LRBA: variants seen among roughly 807,000 people sequenced by gnomAD.
LRBA encodes LPS responsive beige-like anchor protein, also known as lipopolysaccharide-responsive and beige-like anchor protein.
A neutral mutation model predicts 330.0 loss-of-function variants in LRBA; 176 were observed. That is an observed-to-expected ratio of 0.53 (90% confidence interval 0.47 to 0.60). The LOEUF (loss-of-function observed/expected upper bound fraction) is 0.60. LRBA is among the 20% of genes least tolerant of loss of function. LRBA has a pLI of 0.00. For missense variants in LRBA, 3,259 were observed against 3,444.8 expected, an observed-to-expected ratio of 0.95 and a Z score of 1.35; for synonymous variants, 1,230 against 1,193.0, an observed-to-expected ratio of 1.03 and a Z score of -0.64.
At chr4:150,718,574 A>G (rs1283894422) in intron 36 of LRBA, among the ~76,000 whole-genome samples, 1 of 152,182 alleles carries the variant, frequency 6.6e-6, no homozygotes, top group Non-Finnish European at 1.5e-5. Flanking sequence ...ACTAGCAGAC[A>G]TAAGAAAAAA....
At chr4:150,779,728 G>A (rs1737903954) in intron 34 of LRBA, among the ~76,000 whole-genome samples, 1 of 152,000 alleles carries the variant, frequency 6.6e-6, no homozygotes, top group African/African-American at 2.4e-5. Flanking sequence ...AAATTCATTA[G>A]CTTGCCTCAA....
At chr4:150,621,368 G>T (rs1277764699) in intron 37 of LRBA, among the ~76,000 whole-genome samples, 2 of 151,968 alleles carry the variant, frequency 1.3e-5, no homozygotes, top group Non-Finnish European at 2.9e-5. Flanking sequence ...TTTGTATATT[G>T]TAAGTTGTGC....
At chr4:150,687,523 A>C (rs1284201270) in intron 36 of LRBA, among the ~76,000 whole-genome samples, 1 of 152,138 alleles carries the variant, frequency 6.6e-6, no homozygotes, top group Non-Finnish European at 1.5e-5. Context: ...ATGGCCACAA[A>C]ATATTTGACT....
At chr4:150,281,603 C>G (rs1747544287) in intron 55 of LRBA, among the ~76,000 whole-genome samples, 1 of 152,166 alleles carries the variant, frequency 6.6e-6, no homozygotes, top group South Asian at 2.1e-4. Context: ...AGCCCAACGC[C>G]AGGGTAGAAG....
intron 2 of LRBA, among the ~76,000 whole-genome samples, chr4:150,965,531 C>T (rs1340009500): frequency 6.6e-6 from 1 of 152,052 alleles, no homozygotes; most frequent in Non-Finnish European, 1.5e-5. Context: ...ATCAATCATT[C>T]ATCCATCTAC....
rs115896267 is a variant in LRBA, at chr4:150,990,968, C to T, written c.216+23459G>A. Among the ~76,000 whole-genome samples the T allele has an allele frequency of 4.5e-3, 678 of 150,886 alleles. 8 individuals are homozygous for T. The highest frequency in any genetic ancestry group is 0.016 in the African/African-American group (645 of 41,068). ...CCAGGGAAGCGCTGAACCAGGGAGG[C>T]GCTGAACCTCGGACAGGGAGGTTGC... On this transcript the variant is annotated intron_variant, in intron 2 of 56. Coordinates refer to ENST00000651943, the MANE Select transcript of LRBA (RefSeq NM_001364905.1).
intron 48 of LRBA, among the ~76,000 whole-genome samples, chr4:150,330,502 C>A (rs1733844508): frequency 6.6e-6 from 1 of 152,128 alleles, no homozygotes; most frequent in Non-Finnish European, 1.5e-5. Flanking sequence ...TTCCATGGAC[C>A]TGCTTGGAGG....
intron 55 of LRBA, 96 bp from the exon 56 acceptor site, chr4:150,278,100 G>A (rs1260368854): frequency 2.0e-6 from 2 of 1,013,540 alleles, no homozygotes; most frequent in Admixed American, 2.3e-5. Context: ...CTACTACGGT[G>A]CAGAGAGAAG....
chr4:150,399,879 G>A (rs1401458759), intron 47 of LRBA, among the ~76,000 whole-genome samples: 1 of 152,184 alleles, frequency 6.6e-6, no homozygotes, highest in Non-Finnish European at 1.5e-5. Flanking sequence ...GGGAGGCTGA[G>A]GCATGAGAAT....
At chr4:150,636,352 A>G (rs976650904) in intron 37 of LRBA, among the ~76,000 whole-genome samples, 1 of 152,054 alleles carries the variant, frequency 6.6e-6, no homozygotes, top group East Asian at 1.9e-4. Flanking sequence ...ATTAGATAAT[A>G]TTATCTATTT....
At chr4:150,949,554 AT>A (rs1478086139) in intron 2 of LRBA, among the ~76,000 whole-genome samples, 1 of 152,086 alleles carries the variant, frequency 6.6e-6, no homozygotes, top group Non-Finnish European at 1.5e-5. Flanking sequence ...AGTACAAAGG[AT>A]TTCTCTGCAT....
At chr4:150,669,005 A>C (rs1781815746) in intron 37 of LRBA, among the ~76,000 whole-genome samples, 1 of 152,176 alleles carries the variant, frequency 6.6e-6, no homozygotes, top group South Asian at 2.1e-4. Flanking sequence ...CCAGTGGTAC[A>C]TATAGAGATA....
chr4:150,969,852 C>T (rs1739323028), intron 2 of LRBA, among the ~76,000 whole-genome samples: 1 of 152,188 alleles, frequency 6.6e-6, no homozygotes, highest in Non-Finnish European at 1.5e-5. Flanking sequence ...TAGAATCTTA[C>T]ATAAATTTAG....
chr4:150,942,295 T>C (rs2149528714), intron 2 of LRBA, among the ~76,000 whole-genome samples: 1 of 152,326 alleles, frequency 6.6e-6, no homozygotes, highest in Non-Finnish European at 1.5e-5. Flanking sequence ...TATGTCCATG[T>C]CCCAGGAATC....
At chr4:150,787,558 T>A (rs1469555781) in intron 34 of LRBA, among the ~76,000 whole-genome samples, 1 of 152,154 alleles carries the variant, frequency 6.6e-6, no homozygotes, top group Non-Finnish European at 1.5e-5. Flanking sequence ...GGAGTATATA[T>A]TTATGGGGTA....
chr4:150,579,978 G>T, intron 40 of LRBA: 1 of 321,438 alleles, frequency 3.1e-6, no homozygotes, highest in South Asian at 2.4e-5. Flanking sequence ...GCCCCTCCCG[G>T]CCAGTCGCGC....
chr4:150,541,294 G>A (rs1025925540), intron 40 of LRBA, among the ~76,000 whole-genome samples: 2 of 152,168 alleles, frequency 1.3e-5, no homozygotes, highest in African/African-American at 4.8e-5. Flanking sequence ...CTCCAACCCA[G>A]CTTCTACTTA....
At chr4:151,006,282 C>T (rs997816067) in intron 2 of LRBA, among the ~76,000 whole-genome samples, 3 of 152,050 alleles carry the variant, frequency 2.0e-5, no homozygotes, top group South Asian at 4.1e-4. Context: ...GCTGAGATCA[C>T]GCCACTACAC....
chr4:150,962,361 A>T (rs919910937), intron 2 of LRBA, among the ~76,000 whole-genome samples: 16 of 149,064 alleles, frequency 1.1e-4, no homozygotes, highest in Middle Eastern at 3.4e-3. Flanking sequence ...CTACAAAAAA[A>T]TGCAAAATTA....
Sources: gnomAD v4.1 joint callset for allele counts (sites outside exome capture counted in the v4.1 genomes callset) on GRCh38, gnomAD v4.1.1 for gene constraint, MANE v1.5 for transcripts, NCBI Gene and HGNC (gene_info 2026-07-23, HGNC 2026-07-21) for gene names.